Variants in KAZN observed in about 807,000 individuals in gnomAD.
KAZN encodes kazrin.
A neutral mutation model predicts 87.4 loss-of-function variants in KAZN; 40 were observed. That is an observed-to-expected ratio of 0.46 (90% CI 0.36 to 0.60). The LOEUF is 0.60. KAZN is among the 20% of genes least tolerant of loss of function. KAZN has a pLI of 0.00. For missense variants in KAZN, 898 were observed against 1,073.9 expected (o/e 0.84, Z 2.29); for synonymous variants, 466 against 458.3 (o/e 1.02, Z -0.22).
At chr1:14,371,434 T>G (rs1289805556) in intron 2 of KAZN, among the ~76,000 whole-genome samples, 2 of 152,086 alleles carry the variant, frequency 1.3e-5, no homozygotes, top group Non-Finnish European at 2.9e-5. Context: ...GCAGCTGAGA[T>G]AGTTTGAAAA....
At chr1:14,691,196 GA>G (rs943595092) in intron 1 of KAZN, among the ~76,000 whole-genome samples, 11 of 151,258 alleles carry the variant, frequency 7.3e-5, no homozygotes, top group South Asian at 4.2e-4. Flanking sequence ...TTCAGGTGGG[GA>G]AAAAAAAATC....
rs1323589091 is a variant in KAZN at position 15,082,120 on chromosome 1, ACTGCCTCAACT to A, written c.1223-12051_1223-12041del. Among the ~76,000 whole-genome samples the A allele has an allele frequency of 3.9e-5, 6 of 152,102 alleles. No individual in the cohort carries two copies. In the East Asian group the frequency reaches 9.7e-4, roughly 24 times the overall value. On this transcript the variant is annotated intron_variant, in intron 8 of 14. Transcript: ENST00000376030. ...ACCTTAGCCTGCCCTCACCAAGCTC[ACTGCCTCAACT>A]CTGCCTCAGTGGCAGCCGAGGTCCA... is the stretch of plus-strand genomic sequence containing the variant.
chr1:14,407,957 T>C (rs2101171089), intron 2 of KAZN, among the ~76,000 whole-genome samples: 1 of 152,348 alleles, frequency 6.6e-6, no homozygotes, highest in East Asian at 1.9e-4. Context: ...GCTACTTTTA[T>C]TTACTCACAC....
intron 2 of KAZN, among the ~76,000 whole-genome samples, chr1:15,014,041 A>C (rs1266852966): frequency 6.6e-6 from 1 of 152,148 alleles, no homozygotes; most frequent in Non-Finnish European, 1.5e-5. Flanking sequence ...ACTGGAGCTC[A>C]TTCCGGAGGA....
intron 2 of KAZN, among the ~76,000 whole-genome samples, chr1:14,181,795 A>G (rs1320589154): frequency 6.6e-6 from 1 of 152,176 alleles, no homozygotes; most frequent in African/African-American, 2.4e-5. Flanking sequence ...TACTGAATAA[A>G]AGAGAGCAAA....
chr1:14,168,210 G>A (rs1241503985), intron 1 of KAZN, among the ~76,000 whole-genome samples: 2 of 152,206 alleles, frequency 1.3e-5, no homozygotes, highest in African/African-American at 4.8e-5. Context: ...TTCTCACAGG[G>A]CGACTTTATT....
At chr1:14,596,972 G>C (rs922876814), upstream of KAZN, among the ~76,000 whole-genome samples, 5 of 152,132 alleles carry the variant, frequency 3.3e-5, no homozygotes, top group Admixed American at 1.3e-4. Flanking sequence ...TGGGTCGTAT[G>C]GTAATCCTAT....
At chr1:14,216,328 T>C (rs1646955957) in intron 2 of KAZN, among the ~76,000 whole-genome samples, 1 of 152,108 alleles carries the variant, frequency 6.6e-6, no homozygotes, top group African/African-American at 2.4e-5. Flanking sequence ...AACAGTAAGA[T>C]CTAAAGGAGT....
chr1:14,738,675 G>T (rs1160862586), intron 1 of KAZN, among the ~76,000 whole-genome samples: 1 of 151,990 alleles, frequency 6.6e-6, no homozygotes, highest in African/African-American at 2.4e-5. Flanking sequence ...CTGAGGCCCC[G>T]GGAACTGTGT....
At chr1:13,943,039 A>G (rs1474759970) in intron 1 of KAZN, among the ~76,000 whole-genome samples, 2 of 152,210 alleles carry the variant, frequency 1.3e-5, no homozygotes, top group Non-Finnish European at 2.9e-5. Context: ...ACAGTGAAGC[A>G]GAAACAATAT....
chr1:14,487,828 G>T (rs1669427729), intron 2 of KAZN, among the ~76,000 whole-genome samples: 1 of 152,176 alleles, frequency 6.6e-6, no homozygotes, highest in Non-Finnish European at 1.5e-5. Context: ...GGGGCAGAAG[G>T]TCATTTGTGG....
chr1:14,831,351 G>C (rs1290317408), intron 1 of KAZN, among the ~76,000 whole-genome samples: 1 of 152,186 alleles, frequency 6.6e-6, no homozygotes, highest in African/African-American at 2.4e-5. Context: ...TGCTGCTGCT[G>C]CTGCTGCTGC....
intron 2 of KAZN, among the ~76,000 whole-genome samples, chr1:14,398,107 G>A (rs1229928056): frequency 6.6e-6 from 1 of 152,160 alleles, no homozygotes; most frequent in Admixed American, 6.5e-5. Context: ...CTACTAAAAT[G>A]CCTGTGTTAC....
intron 1 of KAZN, among the ~76,000 whole-genome samples, chr1:14,870,266 C>A (rs1034163287): frequency 6.6e-6 from 1 of 152,232 alleles, no homozygotes; most frequent in African/African-American, 2.4e-5. Context: ...TGAGTCCCAG[C>A]TCTGCTCCTC....
At chr1:14,732,409 C>T (rs975289040) in intron 1 of KAZN, among the ~76,000 whole-genome samples, 5 of 152,148 alleles carry the variant, frequency 3.3e-5, no homozygotes, top group Non-Finnish European at 5.9e-5. Flanking sequence ...GAGGCCGAGG[C>T]AGGTGTATTG....
intron 1 of KAZN, among the ~76,000 whole-genome samples, chr1:14,659,098 C>T (rs923383017): frequency 3.3e-5 from 5 of 152,030 alleles, no homozygotes; most frequent in African/African-American, 4.8e-5. Context: ...ATTACCTGGG[C>T]ATGGCGGTGC....
chr1:15,055,239 G>A (rs1376850569), intron 4 of KAZN, among the ~76,000 whole-genome samples: 1 of 152,208 alleles, frequency 6.6e-6, no homozygotes, highest in African/African-American at 2.4e-5. Context: ...CACTTTGGGA[G>A]GCCGAGGCAG....
At chr1:14,710,490 T>C (rs992883412) in intron 1 of KAZN, among the ~76,000 whole-genome samples, 8 of 152,060 alleles carry the variant, frequency 5.3e-5, no homozygotes, top group African/African-American at 1.9e-4. Flanking sequence ...CTCCTCAACA[T>C]CCCTCTCACC....
chr1:15,030,766 G>T (rs1671613020), intron 2 of KAZN, among the ~76,000 whole-genome samples: 2 of 152,206 alleles, frequency 1.3e-5, no homozygotes, highest in Non-Finnish European at 2.9e-5. Context: ...GCCCTTTAAG[G>T]TTCCAGCCCA....
Sources: allele counts gnomAD v4.1 joint callset (sites outside exome capture counted in the v4.1 genomes callset), GRCh38; gene constraint gnomAD v4.1.1; transcripts MANE v1.5; gene names NCBI Gene and HGNC (gene_info 2026-07-23, HGNC 2026-07-21).